The following DIS3L2 variants were observed in gnomAD, a reference collection of about 807,000 sequenced individuals.
The protein encoded by DIS3L2 is DIS3-like exonuclease 2.
Under a neutral mutation model 97.5 loss-of-function variants are expected in DIS3L2, and 34 were observed. The observed-to-expected ratio is 0.35, with a 90% CI of 0.27 to 0.46. The LOEUF (loss-of-function observed/expected upper bound fraction) is 0.46. Among genes scored for constraint, DIS3L2 ranks in the 20% least tolerant of loss-of-function variants. The pLI, the probability that DIS3L2 is intolerant of heterozygous loss-of-function variation, is 1.00. For missense variants in DIS3L2, 1,038 were observed against 1,146.0 expected, an observed-to-expected ratio of 0.91 and a Z score of 1.36; for synonymous variants, 435 against 445.2, an observed-to-expected ratio of 0.98 and a Z score of 0.29.
chr2:231,978,342 G>A (rs1202355317), intron 1 of DIS3L2: 1 of 152,136 alleles, frequency 6.6e-6, no homozygotes, highest in Non-Finnish European at 1.5e-5. Context: ...CACATAGTTT[G>A]TATCCCTAAA....
intron 5 of DIS3L2, among the ~76,000 whole-genome samples, chr2:232,066,780 AT>A (rs1695866749): frequency 1.3e-5 from 2 of 151,778 alleles, no homozygotes; most frequent in South Asian, 4.2e-4. Context: ...ATGACCCAAC[AT>A]TTTTTTTGAC....
intron 10 of DIS3L2, among the ~76,000 whole-genome samples, chr2:232,222,134 G>C (rs1692523689): frequency 6.6e-6 from 1 of 151,926 alleles, no homozygotes. Context: ...GCAGAAACAG[G>C]GTTTCACCAT....
At chr2:232,089,868 A>G (rs1459015726) in intron 6 of DIS3L2, among the ~76,000 whole-genome samples, 1 of 151,612 alleles carries the variant, frequency 6.6e-6, no homozygotes, top group South Asian at 2.1e-4. Flanking sequence ...CTGGCATCCA[A>G]CCCAGAGTTT....
chr2:232,249,499 G>T (rs1452952521), intron 12 of DIS3L2, among the ~76,000 whole-genome samples, 153 bp downstream of exon 12: 1 of 152,244 alleles, frequency 6.6e-6, no homozygotes, highest in Non-Finnish European at 1.5e-5. Context: ...CAGAGTCCCT[G>T]CCTCGGAAGA....
chr2:232,102,523 CTTTAA>C (rs902737623), intron 6 of DIS3L2, among the ~76,000 whole-genome samples: 5 of 152,120 alleles, frequency 3.3e-5, no homozygotes, highest in Non-Finnish European at 5.9e-5. Context: ...ATCCTGATGT[CTTTAA>C]TTTATTTTGA....
At chr2:232,122,987 A>C (rs940916317) in intron 6 of DIS3L2, among the ~76,000 whole-genome samples, 8 of 152,198 alleles carry the variant, frequency 5.3e-5, no homozygotes, top group Non-Finnish European at 1.0e-4. Context: ...ATGCCTATGG[A>C]TGGAAGCAGT....
chr2:232,111,173 T>C (rs761753807), intron 6 of DIS3L2: 17 of 467,490 alleles, frequency 3.6e-5, no homozygotes, highest in Middle Eastern at 3.3e-4. Context: ...ACAACTGATA[T>C]AGTTCATCCC....
chr2:232,107,079 C>T lies in DIS3L2; in HGVS notation c.601+19358C>T, dbSNP rs532552706. On this transcript the variant is annotated intron_variant, in intron 6 of 20. Transcript: ENST00000325385. ...TAATGAGAACAAAGATACAATGATC[C>T]AGTATCTCTGGGATGCAACTAACGC... 3.3e-5 allele frequency among the ~76,000 whole-genome samples: 5 copies of T among 152,194 alleles called. No individual in the cohort carries two copies. In the South Asian group the frequency reaches 1.0e-3, roughly 32 times the overall value.
chr2:232,131,262 A>AT (rs1394946314), intron 7 of DIS3L2: 1 of 151,312 alleles, frequency 6.6e-6, no homozygotes, highest in Non-Finnish European at 1.5e-5. Flanking sequence ...AGCTAGTGTC[A>AT]TTTTCAGATG....
chr2:232,086,659 A>ATGTGTGTG lies in DIS3L2; in HGVS notation c.367-816_367-809dup, dbSNP rs753898708. 8.4e-4 allele frequency among the ~76,000 whole-genome samples: 78 copies of ATGTGTGTG among 92,488 alleles called. No individual in the cohort carries two copies. The East Asian group carries it at 0.014, about 17-fold the overall frequency. 60.7% of individuals were successfully genotyped at this position (92,488 alleles called of 152,430 possible). On this transcript the variant is annotated intron_variant, in intron 5 of 20. Transcript: ENST00000325385. ...TATATATATATGTATATATATATAT[A>ATGTGTGTG]TGTGTGTGTGTGTGTGTGTATATAT...
chr2:232,080,196 A>C (rs1246917212), intron 5 of DIS3L2, among the ~76,000 whole-genome samples: 1 of 152,144 alleles, frequency 6.6e-6, no homozygotes, highest in Non-Finnish European at 1.5e-5. Flanking sequence ...GAGAGGGTCA[A>C]GGGTAGTGCT....
chr2:232,209,454 A>G (rs543443586), intron 9 of DIS3L2, among the ~76,000 whole-genome samples: 3 of 152,176 alleles, frequency 2.0e-5, no homozygotes, highest in Non-Finnish European at 4.4e-5. Flanking sequence ...GAATGAGGAA[A>G]AGACAGAGAA....
intron 5 of DIS3L2, among the ~76,000 whole-genome samples, chr2:232,043,723 T>TA (rs2106255491): frequency 6.6e-6 from 1 of 152,338 alleles, no homozygotes; most frequent in African/African-American, 2.4e-5. Flanking sequence ...GTTAATGGTG[T>TA]AGTAGTACAG....
chr2:232,261,302 C>T (rs1559180100), intron 12 of DIS3L2, among the ~76,000 whole-genome samples: 1 of 152,146 alleles, frequency 6.6e-6, no homozygotes, highest in Non-Finnish European at 1.5e-5. Context: ...CTTGTGTCTT[C>T]AGTCTTCCTT....
intron 10 of DIS3L2, among the ~76,000 whole-genome samples, chr2:232,219,501 C>G (rs972499899): frequency 6.6e-6 from 1 of 152,092 alleles, no homozygotes; most frequent in Non-Finnish European, 1.5e-5. Context: ...TAAGTCTCAT[C>G]CACTTTCTCT....
intron 12 of DIS3L2, among the ~76,000 whole-genome samples, chr2:232,250,949 C>T (rs1559175164): frequency 6.6e-6 from 1 of 152,180 alleles, no homozygotes; most frequent in Non-Finnish European, 1.5e-5. Flanking sequence ...TACAGTAAAG[C>T]TTACAGACAA....
intron 10 of DIS3L2, among the ~76,000 whole-genome samples, chr2:232,227,866 CACATAG>C (rs1174701153): frequency 2.6e-5 from 4 of 152,162 alleles, no homozygotes; most frequent in African/African-American, 4.8e-5. Context: ...CATTTTAATA[CACATAG>C]TTGTTTTATA....
At position 232,014,817 on chromosome 2, in the gene DIS3L2, A is replaced by G. The variant is rs1694306983; in HGVS notation, c.-93-18A>G. The G allele has an allele frequency of 1.1e-5, 13 of 1,204,954 alleles. No individual in the cohort carries two copies. Among genetic ancestry groups the G allele is most frequent in the South Asian group, 4.4e-5 (3 of 68,180 alleles). 74.6% of individuals were successfully genotyped at this position (1,204,954 alleles called of 1,614,324 possible). The stretch of plus-strand genomic sequence containing the variant: ...CAGCTTAACCGCTCTCCAATTACCA[A>G]TCTCTTCTTGGTTTCAGCGAATGAC... On this transcript the variant is annotated intron_variant, in intron 1 of 20. Transcript: ENST00000325385.
In DIS3L2 at chr2:232,019,260, A is replaced by G. The variant is rs557824743; in HGVS notation, c.210+3589A>G. On this transcript the variant is annotated intron_variant, in intron 3 of 20. Transcript: ENST00000325385. Reference sequence around the variant, plus strand: ...TCTGGGACCTTCACCATTTGTTAAGAGTGAAATCAAGCAGGGTGTGGTGGC... The same window carrying G: ...TCTGGGACCTTCACCATTTGTTAAGGGTGAAATCAAGCAGGGTGTGGTGGC... Among the ~76,000 whole-genome samples the G allele has an allele frequency of 3.3e-4, 50 of 152,294 alleles. 1 individual carries two copies. Among genetic ancestry groups the G allele is most frequent in the African/African-American group, 1.1e-3 (47 of 41,566 alleles).
Sources: allele counts gnomAD v4.1 joint callset (sites outside exome capture counted in the v4.1 genomes callset), GRCh38; gene constraint gnomAD v4.1.1; transcripts MANE v1.5; gene names NCBI Gene and HGNC (gene_info 2026-07-23, HGNC 2026-07-21).